Variants in APBA1 observed in about 807,000 individuals in gnomAD.
APBA1 encodes amyloid-beta A4 precursor protein-binding family A member 1.
In APBA1, 55 loss-of-function variants were observed where a neutral mutation model predicts 86.6. The observed-to-expected ratio is 0.64, with a 90% CI of 0.51 to 0.80. The LOEUF (loss-of-function observed/expected upper bound fraction) is 0.80. APBA1 is among the 30% of genes least tolerant of loss of function. The pLI, the probability that APBA1 is intolerant of heterozygous loss-of-function variation, is 0.00. For missense variants in APBA1, 1,090 were observed against 1,183.0 expected (o/e 0.92, Z 1.15); for synonymous variants, 511 against 493.9 (o/e 1.03, Z -0.46).
At chr9:69,645,779 T>C (rs1231864026) in intron 1 of APBA1, among the ~76,000 whole-genome samples, 2 of 152,156 alleles carry the variant, frequency 1.3e-5, no homozygotes, top group Admixed American at 1.3e-4. Flanking sequence ...TCACGTGGCA[T>C]CGAGAGCTCC....
intron 1 of APBA1, among the ~76,000 whole-genome samples, chr9:69,644,070 T>C (rs1007167604): frequency 6.6e-6 from 1 of 152,214 alleles, no homozygotes. Context: ...GATGTCACAC[T>C]CTTTGCCATT....
At chr9:69,540,088 C>A (rs568535853) in intron 1 of APBA1, among the ~76,000 whole-genome samples, 1 of 151,468 alleles carries the variant, frequency 6.6e-6, no homozygotes, top group South Asian at 2.1e-4. Flanking sequence ...CCATTGCATT[C>A]CAACCTGGGC....
At chr9:69,615,378 C>T (rs1822679291) in intron 1 of APBA1, among the ~76,000 whole-genome samples, 2 of 152,052 alleles carry the variant, frequency 1.3e-5, no homozygotes, top group African/African-American at 4.8e-5. Context: ...TCCATAAGTT[C>T]AAAAAGAATT....
At chr9:69,501,629 AACACACACAC>A (rs57033911) in intron 2 of APBA1, among the ~76,000 whole-genome samples, 23,618 of 142,000 alleles carry the variant, frequency 0.17, 2,067 homozygotes, top group East Asian at 0.29. Context: ...GTCTCTACAA[AACACACACAC>A]ACACACACAC....
intron 1 of APBA1, among the ~76,000 whole-genome samples, chr9:69,580,465 T>C (rs1821892198): frequency 2.6e-5 from 4 of 152,194 alleles, no homozygotes; most frequent in Admixed American, 2.6e-4. Context: ...AGATGGACTT[T>C]GCCTGAAGGG....
intron 1 of APBA1, among the ~76,000 whole-genome samples, chr9:69,579,403 C>T (rs1257085678): frequency 1.3e-5 from 2 of 152,136 alleles, no homozygotes; most frequent in South Asian, 2.1e-4. Context: ...TTGCTTTATG[C>T]GGACTTTAAC....
Position 69,431,145 on chromosome 9 carries a change from A to G in APBA1, c.*182T>C. 5 of 330,228 alleles carry G rather than the reference A, an allele frequency of 1.5e-5. No homozygotes were observed. The highest frequency in any genetic ancestry group is 2.2e-5 in the Non-Finnish European group (4 of 179,520). 20.5% of individuals were successfully genotyped at this position (330,228 alleles called of 1,614,324 possible). A position where few individuals can be genotyped will look rare whatever the true frequency, so the allele number is the denominator to read the frequency against. The stretch of plus-strand genomic sequence containing the variant: ...ATACGAAACTTCCCTGGTATTGAAA[A>G]AAAAAAAAAAAAAAAAGCAAATCGG... On this transcript the variant is annotated 3_prime_UTR_variant, in exon 13 of 13. Coordinates refer to ENST00000265381, the MANE Select transcript of APBA1 (RefSeq NM_001163.4).
intron 12 of APBA1, among the ~76,000 whole-genome samples, chr9:69,431,654 T>G (rs1200471160): frequency 2.0e-5 from 3 of 152,226 alleles, no homozygotes; most frequent in East Asian, 1.9e-4. Context: ...AGTCAAATGC[T>G]CTCGCTCTCA....
At position 69,428,505 on chromosome 9, in the gene APBA1, G is replaced by C. The variant is rs1409013159; in HGVS notation, c.*2822C>G. On this transcript the variant is annotated 3_prime_UTR_variant, in exon 13 of 13. Coordinates refer to ENST00000265381, the MANE Select transcript of APBA1 (RefSeq NM_001163.4). ...GTGCCTCTGCCTGGACCAGGAGGGG[G>C]AGGTGAACGTGGGAGTCCAACCCCA... 1 of 152,264 alleles carries C rather than the reference G, an allele frequency of 6.6e-6. No homozygotes were observed. The highest frequency in any genetic ancestry group is 2.4e-5 in the African/African-American group (1 of 41,434). 9.4% of individuals were successfully genotyped at this position (152,264 alleles called of 1,614,324 possible). A position where few individuals can be genotyped will look rare whatever the true frequency, so the allele number is the denominator to read the frequency against.
chr9:69,580,810 C>T (rs1200457573), intron 1 of APBA1, among the ~76,000 whole-genome samples: 2 of 152,174 alleles, frequency 1.3e-5, no homozygotes, highest in Non-Finnish European at 2.9e-5. Context: ...ACATAAACTT[C>T]GCATATCCCT....
At chr9:69,616,908 C>G (rs1371158705) in intron 1 of APBA1, among the ~76,000 whole-genome samples, 1 of 152,168 alleles carries the variant, frequency 6.6e-6, no homozygotes, top group African/African-American at 2.4e-5. Context: ...GTTTAAGACC[C>G]TGACAAGTGG....
chr9:69,445,180 G>C (rs1373597220), intron 10 of APBA1, among the ~76,000 whole-genome samples: 2 of 152,150 alleles, frequency 1.3e-5, no homozygotes, highest in African/African-American at 4.8e-5. Context: ...ATATTGCTCT[G>C]GTGGGTTCTT....
At chr9:69,474,424 T>C (rs1835410663) in intron 3 of APBA1, 1 of 152,238 alleles carries the variant, frequency 6.6e-6, no homozygotes, top group Non-Finnish European at 1.5e-5. Context: ...CAGAATTATT[T>C]TAAGAATTAA....
intron 1 of APBA1, among the ~76,000 whole-genome samples, chr9:69,613,350 A>G (rs770609399): frequency 1.7e-4 from 26 of 152,122 alleles, no homozygotes; most frequent in Non-Finnish European, 3.7e-4. Context: ...TATTCCTGCC[A>G]CATTTTTTTT....
At chr9:69,666,833 G>A (rs988554233) in intron 1 of APBA1, among the ~76,000 whole-genome samples, 1 of 152,088 alleles carries the variant, frequency 6.6e-6, no homozygotes, top group Non-Finnish European at 1.5e-5. Flanking sequence ...GCCATAAAAG[G>A]CAACTCATTC....
At chr9:69,470,294 A>G (rs1835346740) in intron 4 of APBA1, among the ~76,000 whole-genome samples, 1 of 152,188 alleles carries the variant, frequency 6.6e-6, no homozygotes, top group Non-Finnish European at 1.5e-5. Flanking sequence ...TAATGATCCT[A>G]TGTCAGAGAA....
chr9:69,666,818 C>T (rs1823848791), intron 1 of APBA1, among the ~76,000 whole-genome samples: 1 of 152,092 alleles, frequency 6.6e-6, no homozygotes, highest in South Asian at 2.1e-4. Context: ...CATAAACTTG[C>T]ACAGGCCATA....
chr9:69,445,957 T>G (rs544479401), intron 10 of APBA1, among the ~76,000 whole-genome samples: 1 of 152,076 alleles, frequency 6.6e-6, no homozygotes, highest in African/African-American at 2.4e-5. Flanking sequence ...TCTAACAAGA[T>G]CCCCAGGTGA....
chr9:69,562,679 T>C (rs1384080491), intron 1 of APBA1, among the ~76,000 whole-genome samples: 1 of 152,102 alleles, frequency 6.6e-6, no homozygotes, highest in Non-Finnish European at 1.5e-5. Flanking sequence ...CCGGCCTGTA[T>C]TTCTGCTTTA....
Sources: gnomAD v4.1 joint callset for allele counts (sites outside exome capture counted in the v4.1 genomes callset) on GRCh38, gnomAD v4.1.1 for gene constraint, MANE v1.5 for transcripts, NCBI Gene and HGNC (gene_info 2026-07-23, HGNC 2026-07-21) for gene names.